The following ASTN2 variants were observed in gnomAD, a reference collection of about 807,000 sequenced individuals.
ASTN2 encodes astrotactin-2.
ASTN2 carries 54 observed loss-of-function variants against 139.8 expected under a neutral mutation model. That is an observed-to-expected ratio of 0.39 (90% CI 0.31 to 0.48). The LOEUF is 0.48. ASTN2 is among the 20% of genes least tolerant of loss of function. The pLI, the probability that ASTN2 is intolerant of heterozygous loss-of-function variation, is 0.95. For synonymous variants in ASTN2, 756 were observed against 719.5 expected, an observed-to-expected ratio of 1.05 and a Z score of -0.81; for missense variants, 1,565 against 1,725.1, an observed-to-expected ratio of 0.91 and a Z score of 1.64.
At chr9:116,808,067 T>C (rs1361423632) in intron 12 of ASTN2, among the ~76,000 whole-genome samples, 1 of 152,024 alleles carries the variant, frequency 6.6e-6, no homozygotes, top group Non-Finnish European at 1.5e-5. Flanking sequence ...TTAGCCGAGA[T>C]CATGCCACTG....
chr9:116,803,790 C>T (rs1284850055), intron 13 of ASTN2, among the ~76,000 whole-genome samples: 1 of 151,256 alleles, frequency 6.6e-6, no homozygotes, highest in African/African-American at 2.4e-5. Context: ...TCCCAAAGTG[C>T]TGGGATTACA....
chr9:117,184,718 G>C (rs1831154235), intron 3 of ASTN2, among the ~76,000 whole-genome samples: 1 of 152,124 alleles, frequency 6.6e-6, no homozygotes, highest in Non-Finnish European at 1.5e-5. Context: ...ATATGGCACT[G>C]AGTTCCAACT....
chr9:117,408,075 A>T (rs1831049818), intron 1 of ASTN2, among the ~76,000 whole-genome samples: 1 of 152,022 alleles, frequency 6.6e-6, no homozygotes, highest in African/African-American at 2.4e-5. Flanking sequence ...CTTAGGATAG[A>T]TTGGAGCCAA....
chr9:117,350,272 G>A (rs566712050), intron 1 of ASTN2, among the ~76,000 whole-genome samples: 4 of 152,192 alleles, frequency 2.6e-5, no homozygotes, highest in African/African-American at 4.8e-5. Flanking sequence ...AAACAAGGCT[G>A]GCACAGTGGC....
chr9:117,115,977 A>G (rs2132799570), intron 4 of ASTN2, among the ~76,000 whole-genome samples: 1 of 151,236 alleles, frequency 6.6e-6, no homozygotes, highest in East Asian at 2.0e-4. Flanking sequence ...GTGAGCTGAG[A>G]TTGTGCCACT....
chr9:117,011,607 A>T (rs114770506), intron 6 of ASTN2, among the ~76,000 whole-genome samples: 4,221 of 152,342 alleles, frequency 0.028, 210 homozygotes, highest in African/African-American at 0.098. Context: ...GATATTATGC[A>T]GAGTTATACA....
intron 13 of ASTN2, among the ~76,000 whole-genome samples, chr9:116,761,540 A>C (rs1829672843): frequency 6.6e-6 from 1 of 152,154 alleles, no homozygotes; most frequent in South Asian, 2.1e-4. Flanking sequence ...TTAGGCAGAG[A>C]AACTAGAAGA....
chr9:116,487,896 T>C (rs890533414), intron 19 of ASTN2, among the ~76,000 whole-genome samples: 2 of 152,218 alleles, frequency 1.3e-5, no homozygotes, highest in African/African-American at 2.4e-5. Flanking sequence ...CTCTTAGAAT[T>C]GCATTTTCCT....
intron 13 of ASTN2, among the ~76,000 whole-genome samples, chr9:116,759,837 T>C (rs1330393458): frequency 1.3e-5 from 2 of 152,158 alleles, no homozygotes; most frequent in African/African-American, 4.8e-5. Context: ...TGCTAACTGC[T>C]ATTTTACCAA....
intron 19 of ASTN2, among the ~76,000 whole-genome samples, chr9:116,511,510 G>A (rs539367266): frequency 6.6e-6 from 1 of 152,256 alleles, no homozygotes; most frequent in Admixed American, 6.5e-5. Context: ...GGATGATGCT[G>A]GCCTCGTAAA....
chr9:116,947,718 C>G (rs938058968), intron 10 of ASTN2, among the ~76,000 whole-genome samples: 5 of 152,112 alleles, frequency 3.3e-5, no homozygotes, highest in Non-Finnish European at 5.9e-5. Flanking sequence ...AACCAGATGC[C>G]CCATTAATCC....
At chr9:116,805,429 A>G (rs7853590) in intron 13 of ASTN2, among the ~76,000 whole-genome samples, 37,944 of 152,020 alleles carry the variant, frequency 0.25, 5,154 homozygotes, top group East Asian at 0.49. Flanking sequence ...AAGTGGGACA[A>G]ATATATGCTA....
intron 6 of ASTN2, among the ~76,000 whole-genome samples, chr9:117,016,980 C>T (rs1324009186): frequency 2.6e-5 from 4 of 151,602 alleles, no homozygotes; most frequent in Non-Finnish European, 5.9e-5. Context: ...GCTGAAAACA[C>T]GTTGCCACAG....
At chr9:116,933,978 CCTT>C (rs1241348850) in intron 10 of ASTN2, among the ~76,000 whole-genome samples, 2,791 of 30,662 alleles carry the variant, frequency 0.091, 58 homozygotes, top group East Asian at 0.32. Context: ...AAGTGTTAGT[CCTT>C]TTTTTTTTTT....
intron 3 of ASTN2, among the ~76,000 whole-genome samples, chr9:117,161,298 A>T (rs558991040): frequency 9.9e-5 from 15 of 152,162 alleles, no homozygotes; most frequent in African/African-American, 3.1e-4. Context: ...TTAAAACCAC[A>T]CAACAGATAC....
chr9:117,064,907 G>A (rs1281803400), intron 5 of ASTN2, among the ~76,000 whole-genome samples: 1 of 151,980 alleles, frequency 6.6e-6, no homozygotes, highest in African/African-American at 2.4e-5. Context: ...GTGGTGGGTT[G>A]AATTGTGGCT....
chr9:117,236,758 T>G (rs527349821), intron 2 of ASTN2, among the ~76,000 whole-genome samples: 4 of 152,340 alleles, frequency 2.6e-5, no homozygotes, highest in Admixed American at 2.6e-4. Flanking sequence ...ATCCTCTCTC[T>G]GCTTTAGTTT....
intron 20 of ASTN2, among the ~76,000 whole-genome samples, chr9:116,478,466 G>A (rs1391569884): frequency 6.6e-6 from 1 of 152,090 alleles, no homozygotes; most frequent in East Asian, 1.9e-4. Flanking sequence ...CAGGCCTCTG[G>A]TCAGCATGGA....
intron 10 of ASTN2, among the ~76,000 whole-genome samples, chr9:116,884,876 C>T (rs1159797227): frequency 1.4e-5 from 2 of 142,474 alleles, no homozygotes; most frequent in Non-Finnish European, 3.0e-5. Context: ...ACTGCAGTGG[C>T]GCTATCTTGG....
Sources: gnomAD v4.1 joint callset for allele counts (sites outside exome capture counted in the v4.1 genomes callset) on GRCh38, gnomAD v4.1.1 for gene constraint, MANE v1.5 for transcripts, NCBI Gene and HGNC (gene_info 2026-07-23, HGNC 2026-07-21) for gene names.